ZNF462: variants seen among roughly 807,000 people sequenced by gnomAD.
ZNF462 encodes zinc finger protein 462, also known as zinc finger PBX1-interacting protein.
A neutral mutation model predicts 201.9 loss-of-function variants in ZNF462; 10 were observed. That is an observed-to-expected ratio of 0.05 (90% CI 0.03 to 0.08). ZNF462 has a LOEUF of 0.08. Among genes scored for constraint, ZNF462 ranks in the 10% least tolerant of loss-of-function variants. ZNF462 has a pLI of 1.00. For synonymous variants in ZNF462, 1,227 were observed against 1,193.3 expected, an observed-to-expected ratio of 1.03 and a Z score of -0.58; for missense variants, 2,523 against 3,168.3, an observed-to-expected ratio of 0.80 and a Z score of 4.89.
In ZNF462 at chr9:106,927,503, C is replaced by G. The variant is rs1830247062; in HGVS notation, c.3591C>G (p.His1197Gln). Reference protein sequence around the residue: ...PVENEMFFCQHCDYGNRTVKG... With the variant: ...PVENEMFFCQQCDYGNRTVKG... ...AGAATGAGATGTTCTTTTGCCAGCA[C>G]TGTGATTATGGGAACCGGACGGTCA... is the stretch of plus-strand genomic sequence containing the variant. Residue 1197 changes from histidine (H) to glutamine (Q), a missense_variant, in exon 3 of 13, where the codon CAC becomes CAG. His to Gln is a conservative substitution (Grantham distance 24). This residue lies in a region of ZNF462 where 222 missense variants were observed against 271.6 expected (regional missense o/e 0.82). Coordinates refer to ENST00000277225, the MANE Select transcript of ZNF462 (RefSeq NM_021224.6). The G allele has an allele frequency of 1.2e-6, 2 of 1,613,664 alleles. No homozygotes were observed. Among genetic ancestry groups the G allele is most frequent in the Admixed American group, 1.7e-5 (1 of 59,968 alleles).
chr9:106,908,085 ATTATCTCTTAATTGTGGCATTAAAGACTT>A (rs1374327259), intron 1 of ZNF462, among the ~76,000 whole-genome samples: 1 of 151,986 alleles, frequency 6.6e-6, no homozygotes, highest in Non-Finnish European at 1.5e-5. Flanking sequence ...TTTGTAATGT[ATTATCTCTTAATTGTGGCATTAAAGACTT>A]CTATAAACCT....
At chr9:107,007,608 C>G (rs545602140) in intron 11 of ZNF462, among the ~76,000 whole-genome samples, 3 of 152,202 alleles carry the variant, frequency 2.0e-5, no homozygotes, top group Admixed American at 6.5e-5. Context: ...AGAGCAGCCT[C>G]CTTTGTCCCA....
chr9:106,882,717 A>G (rs1450729999), intron 1 of ZNF462, among the ~76,000 whole-genome samples: 2 of 152,194 alleles, frequency 1.3e-5, no homozygotes, highest in Non-Finnish European at 2.9e-5. Flanking sequence ...TCAAACTCGA[A>G]TATTCAGTGA....
intron 7 of ZNF462, among the ~76,000 whole-genome samples, chr9:106,964,332 C>T (rs12003150): frequency 0.28 from 41,900 of 151,876 alleles, 9,059 homozygotes; most frequent in African/African-American, 0.61. Context: ...CCAGCACTTA[C>T]TTTCTTTTTT....
chr9:106,970,795 C>G lies in ZNF462; in HGVS notation c.6428-1210C>G, dbSNP rs1826561655. Among the ~76,000 whole-genome samples, 1 of 151,766 alleles carries G rather than the reference C, an allele frequency of 6.6e-6. No individual in the cohort carries two copies. The highest frequency in any genetic ancestry group is 2.1e-4 in the South Asian group (1 of 4,806). On this transcript the variant is annotated intron_variant, in intron 7 of 12. Transcript: ENST00000277225. This position sits in a 1 kb window ranked among gnomAD's most constrained non-coding sequence, Gnocchi z 4.2. ...TTCAAGACCTTTTACTTTTCCTCTC[C>G]CCCAACCCCTTTATTTATTTATTTT...
chr9:106,986,766 C>G (rs1432094895), intron 10 of ZNF462, among the ~76,000 whole-genome samples: 1 of 152,048 alleles, frequency 6.6e-6, no homozygotes, highest in African/African-American at 2.4e-5. Context: ...CCCTTGCCCC[C>G]CTCCACCCTT....
chr9:106,917,933 G>T lies in ZNF462; in HGVS notation c.-30-5421G>T, dbSNP rs1829842653. The stretch of plus-strand genomic sequence containing the variant: ...ACTCTGCCACCCAGGCTGGAGTGCA[G>T]TGGCGCGATCTCGGCTCACTGCAAC... On this transcript the variant is annotated intron_variant, in intron 1 of 12. Coordinates refer to ENST00000277225, the MANE Select transcript of ZNF462 (RefSeq NM_021224.6). The surrounding 1 kb of genome is among the most constrained non-coding windows in gnomAD (Gnocchi z 4.5). Among the ~76,000 whole-genome samples the T allele has an allele frequency of 6.6e-6, 1 of 151,506 alleles. No homozygotes were observed. The highest frequency in any genetic ancestry group is 2.4e-5 in the African/African-American group (1 of 41,208).
chr9:106,986,916 C>T (rs1827874543), intron 10 of ZNF462, among the ~76,000 whole-genome samples: 1 of 152,088 alleles, frequency 6.6e-6, no homozygotes, highest in South Asian at 2.1e-4. Context: ...TCTCCAGTTT[C>T]ATCCAGGTCG....
Position 106,872,743 on chromosome 9 carries a change from C to A in ZNF462, c.-31+9388C>A, listed in dbSNP as rs1386000682. The stretch of plus-strand genomic sequence containing the variant: ...CTTTCTGCTGTCAATTGAATATTGT[C>A]TGTTCTAATACTGGGTAAGAACAAT... On this transcript the variant is annotated intron_variant, in intron 1 of 12. Coordinates refer to ENST00000277225, the MANE Select transcript of ZNF462 (RefSeq NM_021224.6). The surrounding 1 kb of genome is among the most constrained non-coding windows in gnomAD (Gnocchi z 4.5). Among the ~76,000 whole-genome samples, 2 of 152,150 alleles carry A rather than the reference C, an allele frequency of 1.3e-5. No homozygotes were observed. The highest frequency in any genetic ancestry group is 4.8e-5 in the African/African-American group (2 of 41,430).
chr9:106,915,441 T>C (rs1829732322), intron 1 of ZNF462, among the ~76,000 whole-genome samples: 1 of 152,202 alleles, frequency 6.6e-6, no homozygotes, highest in Admixed American at 6.5e-5. Flanking sequence ...TAAACTTACT[T>C]GCTAAAAGTA....
In ZNF462 at chr9:106,924,149, A is replaced by T. The variant is rs149559819; in HGVS notation, c.237A>T (p.Ser79=). The part of the protein sequence containing the change: ...AEDLSGQNAT[S]LGTGGYYGHS... ...TTTCTTTAGGTCAAAATGCAACTTCATTGGGGACCGGAGGTTACTATGGCC... is the reference window on the plus strand; with the variant it reads ...TTTCTTTAGGTCAAAATGCAACTTCTTTGGGGACCGGAGGTTACTATGGCC... The change falls in exon 3 of 13, where the codon TCA becomes TCT. Residue 79 remains serine (S), a synonymous_variant. Coordinates refer to ENST00000277225, the MANE Select transcript of ZNF462 (RefSeq NM_021224.6). This position sits in a 1 kb window ranked among gnomAD's most constrained non-coding sequence, Gnocchi z 6.2. 219 of 1,596,992 alleles carry T rather than the reference A, an allele frequency of 1.4e-4. No individual in the cohort carries two copies. The highest frequency in any genetic ancestry group is 1.8e-4 in the Non-Finnish European group (212 of 1,174,914).
chr9:106,960,026 A>G (rs190564013), intron 7 of ZNF462, among the ~76,000 whole-genome samples: 2 of 152,068 alleles, frequency 1.3e-5, no homozygotes, highest in African/African-American at 2.4e-5. Context: ...AAAAGAAAAA[A>G]AGGGTTAAGA....
chr9:106,899,191 A>G (rs1828940570), intron 1 of ZNF462, among the ~76,000 whole-genome samples: 2 of 128,134 alleles, frequency 1.6e-5, no homozygotes, highest in Non-Finnish European at 3.2e-5. Context: ...CCAGAGGGAC[A>G]TGGAGAGAGA....
chr9:106,974,976 G>A lies in ZNF462; in HGVS notation c.6832+703G>A, dbSNP rs1564144710. ...AAATGTTGGTTCCTGCTGATAAACA[G>A]TGATACTTCTTTTAAGTCCACTTCG... On this transcript the variant is annotated intron_variant, in intron 9 of 12. Coordinates refer to ENST00000277225, the MANE Select transcript of ZNF462 (RefSeq NM_021224.6). The surrounding 1 kb of genome is among the most constrained non-coding windows in gnomAD (Gnocchi z 4.0). 1 of 152,240 alleles carries A rather than the reference G, an allele frequency of 6.6e-6. No homozygotes were observed. Among genetic ancestry groups the A allele is most frequent in the Non-Finnish European group, 1.5e-5 (1 of 68,068 alleles). The allele number at this position is 152,240 out of a possible 1,614,324, so 9.4% of individuals were successfully genotyped here.
At position 106,998,020 on chromosome 9, in the gene ZNF462, A is replaced by G. The variant is rs1033207883; in HGVS notation, c.7057-5274A>G. On this transcript the variant is annotated intron_variant, in intron 10 of 12. Transcript: ENST00000277225. ...CAGTTGAATAGTTGTAACAAAGACT[A>G]TAGAGTCCAGAAAGCCTAAAAATAT... Among the ~76,000 whole-genome samples, 7 of 152,214 alleles carry G rather than the reference A, an allele frequency of 4.6e-5. No individual in the cohort carries two copies. The East Asian group carries it at 1.2e-3, about 25-fold the overall frequency.
In ZNF462 at chr9:106,982,484, AT is replaced by A. The variant is rs879525936; in HGVS notation, c.6833-1693del. ...AAGATTTACTAGTTTATGCCAAAGC[AT>A]TTTTTTTTCTCCGTTTACACCAAAC... On this transcript the variant is annotated intron_variant, in intron 9 of 12. Transcript: ENST00000277225. Among the ~76,000 whole-genome samples the A allele has an allele frequency of 2.4e-3, 367 of 151,588 alleles. 1 individual carries two copies. The highest frequency in any genetic ancestry group is 7.2e-3 in the African/African-American group (298 of 41,364).
chr9:106,900,784 G>A (rs1044577346), intron 1 of ZNF462, among the ~76,000 whole-genome samples: 1 of 152,042 alleles, frequency 6.6e-6, no homozygotes, highest in African/African-American at 2.4e-5. Context: ...CTGGATATTA[G>A]TCTTTTGCCA....
At chr9:106,997,180 G>A (rs751767184) in intron 10 of ZNF462, among the ~76,000 whole-genome samples, 1 of 152,104 alleles carries the variant, frequency 6.6e-6, no homozygotes, top group Non-Finnish European at 1.5e-5. Context: ...CAATGTGATG[G>A]TTTGATATAT....
chr9:106,896,249 A>G (rs1285556643), intron 1 of ZNF462, among the ~76,000 whole-genome samples: 1 of 152,188 alleles, frequency 6.6e-6, no homozygotes, highest in Non-Finnish European at 1.5e-5. Context: ...CTAGCTACGT[A>G]GTAGGCACTC....
Sources: allele counts gnomAD v4.1 joint callset (sites outside exome capture counted in the v4.1 genomes callset), GRCh38; gene constraint gnomAD v4.1.1; regional missense constraint gnomAD v4.1.1; non-coding constraint Gnocchi (gnomAD v3.1); transcripts MANE v1.5; gene names NCBI Gene and HGNC (gene_info 2026-07-23, HGNC 2026-07-21).